Variants in CENPC observed in about 807,000 individuals in gnomAD.
CENPC encodes CENP-C 1.
CENPC carries 63 observed loss-of-function variants against 112.1 expected under a neutral mutation model. The ratio of observed to expected loss-of-function variants is 0.56; its 90% CI spans 0.46 to 0.69. The LOEUF is 0.69. Ranked by LOEUF, CENPC falls within the 30% of genes least tolerant of loss-of-function variation. The pLI, the probability that CENPC is intolerant of heterozygous loss-of-function variation, is 0.00. For missense variants in CENPC, 1,000 were observed against 1,103.8 expected, an observed-to-expected ratio of 0.91 and a Z score of 1.33; for synonymous variants, 333 against 367.6, an observed-to-expected ratio of 0.91 and a Z score of 1.08.
At chr4:67,532,294 T>C (rs1201190372) in intron 4 of CENPC, among the ~76,000 whole-genome samples, 1 of 152,182 alleles carries the variant, frequency 6.6e-6, no homozygotes, top group Non-Finnish European at 1.5e-5. Context: ...TTTACACTGT[T>C]GGTGGGACTG....
intron 17 of CENPC, among the ~76,000 whole-genome samples, chr4:67,477,736 T>C (rs942060981): frequency 3.3e-5 from 5 of 151,200 alleles, no homozygotes; most frequent in Admixed American, 6.6e-5. Flanking sequence ...ATTCAGAAGG[T>C]TGATTATTAC....
At chr4:67,500,638 C>T (rs574518111) in intron 12 of CENPC, among the ~76,000 whole-genome samples, 59 of 152,186 alleles carry the variant, frequency 3.9e-4, no homozygotes, top group Middle Eastern at 6.8e-3. Context: ...AAATCTATCA[C>T]AATTCAAGTA....
Position 67,519,274 on chromosome 4 carries a change from T to G in CENPC, c.560A>C (p.Glu187Ala). The G allele has an allele frequency of 6.2e-7, 1 of 1,607,480 alleles. No individual in the cohort carries two copies. Among genetic ancestry groups the G allele is most frequent in the South Asian group, 1.1e-5 (1 of 90,116 alleles). The change falls in exon 6 of 19, where the codon GAA becomes GCA. Residue 187 changes from glutamate to alanine, a missense_variant. Physicochemically the swap from Glu to Ala is moderately radical, Grantham distance 107 (BLOSUM62 -1). Transcript: ENST00000273853. ...TGAAGGCAGCATATTTACTGAATTT[T>G]CAAAAGTGTAAGTCTCTCTCTTTTG... ...SAQKRETYTFENSVNMLPSST... is the reference protein window; with the variant it reads ...SAQKRETYTFANSVNMLPSST...
chr4:67,530,576 A>C (rs1045248443), intron 5 of CENPC, among the ~76,000 whole-genome samples: 3 of 152,214 alleles, frequency 2.0e-5, no homozygotes, highest in African/African-American at 7.2e-5. Context: ...AATAAAAAGA[A>C]AGAAAACTTT....
chr4:67,480,030 A>G (rs779701653), intron 17 of CENPC, among the ~76,000 whole-genome samples: 2 of 152,220 alleles, frequency 1.3e-5, no homozygotes, highest in Non-Finnish European at 2.9e-5. Context: ...AACAACAAAA[A>G]AAGTCCAGGC....
intron 17 of CENPC, among the ~76,000 whole-genome samples, chr4:67,482,158 C>T (rs1461082255): frequency 6.6e-6 from 1 of 151,412 alleles, no homozygotes; most frequent in Non-Finnish European, 1.5e-5. Flanking sequence ...AAGAAGCACA[C>T]AAAAAAAATG....
intron 13 of CENPC, among the ~76,000 whole-genome samples, 173 bp from the exon 14 acceptor site, chr4:67,494,161 T>C (rs1173217948): frequency 1.3e-5 from 2 of 152,114 alleles, no homozygotes; most frequent in African/African-American, 2.4e-5. Context: ...GAAAAGCCAA[T>C]GGAAAAACAG....
intron 13 of CENPC, among the ~76,000 whole-genome samples, chr4:67,494,854 G>C (rs1352501843): frequency 4.6e-5 from 7 of 152,138 alleles, no homozygotes. Flanking sequence ...CATCTACCTG[G>C]TAGTTACAGT....
chr4:67,478,108 A>T (rs150987633), intron 17 of CENPC, among the ~76,000 whole-genome samples: 66 of 152,280 alleles, frequency 4.3e-4, no homozygotes, highest in African/African-American at 1.5e-3. Context: ...AGAGAAATCT[A>T]AAAGTTTGGA....
chr4:67,480,351 T>A (rs1380725476), intron 17 of CENPC, among the ~76,000 whole-genome samples: 2 of 151,782 alleles, frequency 1.3e-5, no homozygotes, highest in African/African-American at 4.8e-5. Context: ...AAAAAAAAAA[T>A]TCCAGGACCA....
chr4:67,492,342 A>T, intron 15 of CENPC, 67 bp from the exon 16 acceptor site: 1 of 977,278 alleles, frequency 1.0e-6, no homozygotes, highest in South Asian at 1.6e-5. Flanking sequence ...CAAAAAGTTC[A>T]GTACAAAATA....
Position 67,472,573 on chromosome 4 carries a change from A to G in CENPC, c.*32T>C, listed in dbSNP as rs760898952. 2.1e-6 allele frequency: 3 copies of G among 1,446,676 alleles called. No individual in the cohort carries two copies. The highest frequency in any genetic ancestry group is 3.2e-5 in the South Asian group (2 of 62,860). 89.6% of individuals were successfully genotyped at this position (1,446,676 alleles called of 1,614,324 possible). ...CAAACTGTTTTTCACATATACATAT[A>G]TACATACATATATTTAAGGTTGGTT... On this transcript the variant is annotated 3_prime_UTR_variant, in exon 19 of 19. Transcript: ENST00000273853.
intron 7 of CENPC, among the ~76,000 whole-genome samples, chr4:67,515,800 G>C (rs1309269423): frequency 6.6e-6 from 1 of 151,846 alleles, no homozygotes; most frequent in African/African-American, 2.4e-5. Flanking sequence ...AAGCACAAAA[G>C]AAATCTAGTG....
rs1460471828 is a variant in CENPC, at chr4:67,512,460, C to T, written c.1554G>A (p.Thr518=). The part of the protein sequence containing the change: ...LVPEEVTSTV[T]KSRRISRRPS... ...GACGCCTGGAAATTCTTCGACTTTT[C>T]GTGACAGTTGAAGTCACTTCTTCAG... is the stretch of plus-strand genomic sequence containing the variant. The change falls in exon 9 of 19, where the codon ACG becomes ACA. Residue 518 remains threonine, a synonymous_variant. Transcript: ENST00000273853. 4.4e-6 allele frequency: 7 copies of T among 1,601,404 alleles called. No homozygotes were observed. Among genetic ancestry groups the T allele is most frequent in the Middle Eastern group, 1.7e-4 (1 of 6,018 alleles).
At chr4:67,493,200 G>T (rs1725332409) in intron 14 of CENPC, among the ~76,000 whole-genome samples, 1 of 150,926 alleles carries the variant, frequency 6.6e-6, no homozygotes, top group African/African-American at 2.4e-5. Flanking sequence ...AGGATTAGAT[G>T]ATGAAACATG....
chr4:67,529,147 A>G (rs1726470484), intron 5 of CENPC, among the ~76,000 whole-genome samples: 1 of 152,136 alleles, frequency 6.6e-6, no homozygotes, highest in African/African-American at 2.4e-5. Context: ...CAGAATGTAA[A>G]GTCCTTTGCT....
chr4:67,543,734 T>C (rs901847298), intron 2 of CENPC, among the ~76,000 whole-genome samples: 1 of 152,200 alleles, frequency 6.6e-6, no homozygotes, highest in African/African-American at 2.4e-5. Context: ...CTAGAAAATT[T>C]ACTTTTTACA....
intron 7 of CENPC, among the ~76,000 whole-genome samples, chr4:67,515,462 T>C (rs1726032775): frequency 1.3e-5 from 2 of 150,382 alleles, no homozygotes; most frequent in African/African-American, 2.5e-5. Context: ...CAAAACTCCA[T>C]CTCAGACAGA....
chr4:67,490,837 AATATATATATAT>A lies in CENPC; in HGVS notation c.2516-728_2516-717del, dbSNP rs57498869. The stretch of plus-strand genomic sequence containing the variant: ...CTACAGACTACATGATATAGAAATA[AATATATATATAT>A]ATATATATATATATATATATATATA... On this transcript the variant is annotated intron_variant, in intron 16 of 18. Coordinates refer to ENST00000273853, the MANE Select transcript of CENPC (RefSeq NM_001812.4). Among the ~76,000 whole-genome samples the A allele has an allele frequency of 1.6e-3, 89 of 57,080 alleles. 2 individuals are homozygous for A. The highest frequency in any genetic ancestry group is 6.0e-3 in the Admixed American group (24 of 4,006). 37.4% of individuals were successfully genotyped at this position (57,080 alleles called of 152,430 possible). A position where few individuals can be genotyped will look rare whatever the true frequency, so the allele number is the denominator to read the frequency against.
Sources: allele counts gnomAD v4.1 joint callset (sites outside exome capture counted in the v4.1 genomes callset), GRCh38; gene constraint gnomAD v4.1.1; transcripts MANE v1.5; gene names NCBI Gene and HGNC (gene_info 2026-07-23, HGNC 2026-07-21).